The following SNTG1 variants were observed in gnomAD, a reference collection of about 807,000 sequenced individuals.
SNTG1 encodes gamma-1-syntrophin.
SNTG1 carries 39 observed loss-of-function variants against 74.7 expected under a neutral mutation model. The ratio of observed to expected loss-of-function variants is 0.52; its 90% confidence interval spans 0.40 to 0.68. The LOEUF (loss-of-function observed/expected upper bound fraction) is 0.68. Among genes scored for constraint, SNTG1 ranks in the 30% least tolerant of loss-of-function variants. The probability of loss-of-function intolerance (pLI) is 0.00; values close to 1 mark genes in which losing one functional copy is unlikely to be tolerated. For synonymous variants in SNTG1, 254 were observed against 217.1 expected (o/e 1.17, Z -1.49); for missense variants, 685 against 609.5 (o/e 1.12, Z -1.30).
chr8:49,965,743 A>G (rs1431239690), intron 1 of SNTG1, among the ~76,000 whole-genome samples: 3 of 152,194 alleles, frequency 2.0e-5, no homozygotes, highest in Admixed American at 2.0e-4. Flanking sequence ...GGCTTTTGCA[A>G]TTTCAAAGAT....
At chr8:50,681,328 A>G (rs6473289) in intron 15 of SNTG1, among the ~76,000 whole-genome samples, 6,670 of 152,144 alleles carry the variant, frequency 0.044, 387 homozygotes, top group African/African-American at 0.12. Flanking sequence ...AATTACATAC[A>G]AAAGGAGAGA....
chr8:50,743,035 G>A (rs2095547064), intron 17 of SNTG1, among the ~76,000 whole-genome samples: 1 of 150,096 alleles, frequency 6.7e-6, no homozygotes, highest in South Asian at 2.1e-4. Flanking sequence ...AAGAGGCCTG[G>A]ACCACATAGC....
At position 50,245,459 on chromosome 8, in the gene SNTG1, G is replaced by A. The variant is rs374327730; in HGVS notation, c.-28+72824G>A. ...GCACTTTGGAAGGCTGAGGCGTGCG[G>A]ATCACCTGAGATCAAAAGATCGAGA... On this transcript the variant is annotated intron_variant, in intron 2 of 18. Transcript: ENST00000642720. Among the ~76,000 whole-genome samples, 3 of 152,182 alleles carry A rather than the reference G, an allele frequency of 2.0e-5. No individual in the cohort carries two copies. The South Asian group carries it at 6.2e-4, about 32-fold the overall frequency.
At chr8:50,125,508 C>T (rs1247360188) in intron 1 of SNTG1, among the ~76,000 whole-genome samples, 1 of 141,222 alleles carries the variant, frequency 7.1e-6, no homozygotes, top group East Asian at 2.0e-4. Context: ...TTAAGTAATG[C>T]CTAGTAAGTT....
At chr8:50,490,051 T>C (rs945890268) in intron 8 of SNTG1, among the ~76,000 whole-genome samples, 3 of 152,240 alleles carry the variant, frequency 2.0e-5, no homozygotes, top group African/African-American at 7.2e-5. Context: ...TGATTGTTTT[T>C]GTCAAGTTTG....
intron 18 of SNTG1, among the ~76,000 whole-genome samples, chr8:50,772,043 T>C (rs1261434653): frequency 2.6e-5 from 4 of 151,850 alleles, no homozygotes; most frequent in Non-Finnish European, 4.4e-5. Flanking sequence ...GAACCTCTCA[T>C]AGGGCAATGC....
chr8:50,762,537 T>A (rs1011072244), intron 18 of SNTG1: 1 of 380,094 alleles, frequency 2.6e-6, no homozygotes, highest in Non-Finnish European at 5.2e-6. Context: ...CTTTCTACCT[T>A]CTTAATGCAG....
chr8:50,149,357 T>C (rs1476205270), intron 1 of SNTG1, among the ~76,000 whole-genome samples: 5 of 152,244 alleles, frequency 3.3e-5, no homozygotes, highest in Admixed American at 6.5e-5. Flanking sequence ...TTCACCCTGA[T>C]GGCAGTTTCT....
intron 1 of SNTG1, among the ~76,000 whole-genome samples, chr8:50,106,076 T>C (rs2080358394): frequency 6.6e-6 from 1 of 152,104 alleles, no homozygotes; most frequent in South Asian, 2.1e-4. Flanking sequence ...ATTAGTCTAT[T>C]CGTACACTGC....
chr8:50,555,314 C>G lies in SNTG1; in HGVS notation c.810+2135C>G, dbSNP rs758974312. On this transcript the variant is annotated intron_variant, in intron 12 of 18. Transcript: ENST00000642720. ...TTCTTTTGTTCTTGCAATCAGTTTC[C>G]ATTCAAAAGTATTAGGTTCCAATGT... 1.1e-4 allele frequency among the ~76,000 whole-genome samples: 17 copies of G among 152,096 alleles called. 1 individual carries two copies. The South Asian group carries it at 3.5e-3, about 31-fold the overall frequency.
intron 1 of SNTG1, among the ~76,000 whole-genome samples, chr8:50,106,667 C>T (rs554060853): frequency 1.2e-4 from 19 of 152,170 alleles, no homozygotes; most frequent in Non-Finnish European, 2.2e-4. Context: ...TTGAGATGAT[C>T]GTGTGTTTCT....
At chr8:50,131,678 C>A (rs1231546938) in intron 1 of SNTG1, among the ~76,000 whole-genome samples, 1 of 151,990 alleles carries the variant, frequency 6.6e-6, no homozygotes, top group Non-Finnish European at 1.5e-5. Flanking sequence ...ATAGTGATTT[C>A]ATTTTATTTT....
chr8:49,944,090 T>A (rs1247517516), intron 1 of SNTG1, among the ~76,000 whole-genome samples: 1 of 152,204 alleles, frequency 6.6e-6, no homozygotes, highest in East Asian at 1.9e-4. Context: ...CCTTCCAAAT[T>A]ATTTCAGCAG....
At chr8:50,232,693 TA>T (rs2085690362) in intron 2 of SNTG1, among the ~76,000 whole-genome samples, 2 of 151,502 alleles carry the variant, frequency 1.3e-5, no homozygotes, top group East Asian at 3.9e-4. Context: ...TTAAGGAATA[TA>T]AAAACTAACT....
At chr8:50,157,728 G>C (rs1332369888) in intron 1 of SNTG1, among the ~76,000 whole-genome samples, 1 of 152,038 alleles carries the variant, frequency 6.6e-6, no homozygotes, top group Non-Finnish European at 1.5e-5. Flanking sequence ...TTCAGCCAAG[G>C]AAACAAAACA....
intron 9 of SNTG1, among the ~76,000 whole-genome samples, chr8:50,526,911 C>G (rs900135441): frequency 8.6e-5 from 13 of 152,020 alleles, no homozygotes; most frequent in African/African-American, 3.1e-4. Flanking sequence ...CATGAGGCAC[C>G]GCGCCCGGCC....
chr8:50,555,946 C>A (rs2094453462), intron 12 of SNTG1, among the ~76,000 whole-genome samples: 1 of 151,988 alleles, frequency 6.6e-6, no homozygotes, highest in African/African-American at 2.4e-5. Flanking sequence ...ATAATTAGAT[C>A]AATGTGTTGA....
At chr8:50,651,572 C>T (rs1289838643) in intron 13 of SNTG1, among the ~76,000 whole-genome samples, 2 of 148,366 alleles carry the variant, frequency 1.3e-5, no homozygotes, top group African/African-American at 2.5e-5. Flanking sequence ...ATTCTCCTGC[C>T]TCAGCCTCCC....
At chr8:50,316,230 G>A (rs749690838) in intron 2 of SNTG1, among the ~76,000 whole-genome samples, 1 of 152,096 alleles carries the variant, frequency 6.6e-6, no homozygotes, top group African/African-American at 2.4e-5. Context: ...AAACACGGTA[G>A]AATCCATGAT....
Sources: allele counts gnomAD v4.1 joint callset (sites outside exome capture counted in the v4.1 genomes callset), GRCh38; gene constraint gnomAD v4.1.1; transcripts MANE v1.5; gene names NCBI Gene and HGNC (gene_info 2026-07-23, HGNC 2026-07-21).